Variants in S100A3 observed in about 807,000 individuals in gnomAD.
S100A3 encodes the protein S100 calcium binding protein A3.
S100A3 carries 11 observed loss-of-function variants against 8.0 expected under a neutral mutation model. The observed-to-expected ratio is 1.37, with a 90% CI of 0.86 to 2.27. The LOEUF (loss-of-function observed/expected upper bound fraction) is 2.27. S100A3 is among the 30% of genes most tolerant of loss of function. The pLI, the probability that S100A3 is intolerant of heterozygous loss-of-function variation, is 0.00. For missense variants in S100A3, 124 were observed against 127.1 expected, an observed-to-expected ratio of 0.98 and a Z score of 0.12; for synonymous variants, 43 against 49.6, an observed-to-expected ratio of 0.87 and a Z score of 0.56.
chr1:153,548,306 C>A, intron 2 of S100A3, 39 bp downstream of exon 2: 1 of 1,611,356 alleles, frequency 6.2e-7, no homozygotes, highest in Non-Finnish European at 8.5e-7. Context: ...GCAGTGCCTC[C>A]CCCCGGAGGA....
rs1042544057 is a variant in S100A3 at position 153,548,221 on chromosome 1, C to T, written c.141+124G>A. ...TCAGTTCTCCCCCTCCCACTCCCTCCTCACAATCCAGCCCCCTCCCTTGCT... is the reference window on the plus strand; with the variant it reads ...TCAGTTCTCCCCCTCCCACTCCCTCTTCACAATCCAGCCCCCTCCCTTGCT... On this transcript the variant is annotated intron_variant, in intron 2 of 2. Coordinates refer to ENST00000368713, the MANE Select transcript of S100A3 (RefSeq NM_002960.2). 2.3e-6 allele frequency: 3 copies of T among 1,299,694 alleles called. No homozygotes were observed. The South Asian group carries it at 3.9e-5, about 17-fold the overall frequency. The allele number at this position is 1,299,694 out of a possible 1,614,324, so 80.5% of individuals were successfully genotyped here. A position where few individuals can be genotyped will look rare whatever the true frequency, so the allele number is the denominator to read the frequency against.
Position 153,547,712 on chromosome 1 carries a change from G to A in S100A3, c.276C>T (p.Asp92=). The change falls in exon 3 of 3, where the codon GAC becomes GAT. Residue 92 remains aspartate, a synonymous_variant. Coordinates refer to ENST00000368713, the MANE Select transcript of S100A3 (RefSeq NM_002960.2). The surrounding 1 kb of genome is among the most constrained non-coding windows in gnomAD (Gnocchi z 4.0). ...GGGAGCAGGGGGGCTCTGAGGGGCA[G>A]TCCTTGAAGTACTCGTGGCAGTAGA... ...LCLYCHEYFK[D]CPSEPPCSQ 1 of 1,614,036 alleles carries A rather than the reference G, an allele frequency of 6.2e-7. No individual in the cohort carries two copies. Among genetic ancestry groups the A allele is most frequent in the East Asian group, 2.2e-5 (1 of 44,884 alleles).
Position 153,548,396 on chromosome 1 carries a change from GC to G in S100A3, c.89del (p.Cys30SerfsTer30), listed in dbSNP as rs1324280261. The G allele has an allele frequency of 1.2e-6, 2 of 1,613,654 alleles. No homozygotes were observed. The highest frequency in any genetic ancestry group is 4.5e-5 in the East Asian group (2 of 44,890). Reference sequence around the variant, plus strand: ...GCAGCAGCTCCTTGAGCTCCGCCTGGCAGAGCTTGTATTTGTCCCCACAGCG... The same window carrying G: ...GCAGCAGCTCCTTGAGCTCCGCCTGGAGAGCTTGTATTTGTCCCCACAGCG... ...AGRCGDKYKLCQAELKELLQK... is the reference protein window; with the variant it reads ...AGRCGDKYKLXQAELKELLQK... On this transcript the variant is annotated frameshift_variant, in exon 2 of 3. Transcript: ENST00000368713. LOFTEE classifies it high-confidence loss of function.
At position 153,549,177 on chromosome 1, in the gene S100A3, T is replaced by C. The variant is rs4595398; in HGVS notation, c.-6+4A>G. Reference sequence around the variant, plus strand: ...CCTGATCTGTAAGTTGGGGTTCATCTCACCTCGCTGGCCCAGTCAGGAACC... The same window carrying C: ...CCTGATCTGTAAGTTGGGGTTCATCCCACCTCGCTGGCCCAGTCAGGAACC... On this transcript the variant is annotated splice_donor_region_variant and intron_variant, in intron 1 of 2. Transcript: ENST00000368713. 0.14 allele frequency: 21,248 copies of C among 152,544 alleles called. 2,891 individuals carry two copies. The highest frequency in any genetic ancestry group is 0.35 in the African/African-American group (14,730 of 41,496). The allele number at this position is 152,544 out of a possible 1,614,324, so 9.4% of individuals were successfully genotyped here.
intron 2 of S100A3, among the ~76,000 whole-genome samples, chr1:153,548,096 C>T (rs868059856): frequency 4.6e-5 from 7 of 152,188 alleles, no homozygotes; most frequent in South Asian, 2.1e-4. Context: ...GTTAGGCATT[C>T]TTCATGGTGC....
chr1:153,548,365 CCTT>C lies in S100A3; in HGVS notation c.118_120del (p.Lys40del). 1 of 1,613,888 alleles carries C rather than the reference CCTT, an allele frequency of 6.2e-7. No homozygotes were observed. The highest frequency in any genetic ancestry group is 2.2e-5 in the East Asian group (1 of 44,862). On this transcript the variant is annotated inframe_deletion, in exon 2 of 3. Coordinates refer to ENST00000368713, the MANE Select transcript of S100A3 (RefSeq NM_002960.2). Reference sequence around the variant, plus strand: ...CTCACCGGGGTCCAGGTGGCCAGCTCCTTCTGCAGCAGCTCCTTGAGCTCCGCC... The same window carrying C: ...CTCACCGGGGTCCAGGTGGCCAGCTCCTGCAGCAGCTCCTTGAGCTCCGCC...
Position 153,548,593 on chromosome 1 carries a change from A to T in S100A3, c.-5-103T>A. On this transcript the variant is annotated intron_variant, in intron 1 of 2. Coordinates refer to ENST00000368713, the MANE Select transcript of S100A3 (RefSeq NM_002960.2). The stretch of plus-strand genomic sequence containing the variant: ...CAGAGACTGTTCCCAGACCCATCTT[A>T]ACCTCCATCAGGCTTCAGGCCCCGC... 5.5e-6 allele frequency: 8 copies of T among 1,451,374 alleles called. No individual in the cohort carries two copies. The South Asian group carries it at 1.1e-4, about 20-fold the overall frequency. 89.9% of individuals were successfully genotyped at this position (1,451,374 alleles called of 1,614,324 possible).
At chr1:153,548,685 T>C (rs1425000536) in intron 1 of S100A3, among the ~76,000 whole-genome samples, 195 bp from the exon 2 acceptor site, 1 of 151,990 alleles carries the variant, frequency 6.6e-6, no homozygotes, top group Non-Finnish European at 1.5e-5. Flanking sequence ...CCCCCTGCTG[T>C]CCTGTTGTTA....
chr1:153,547,944 A>G lies in S100A3; in HGVS notation c.142-98T>C. 1 of 1,317,604 alleles carries G rather than the reference A, an allele frequency of 7.6e-7. No homozygotes were observed. The highest frequency in any genetic ancestry group is 1.1e-6 in the Non-Finnish European group (1 of 940,516). The allele number at this position is 1,317,604 out of a possible 1,614,324, so 81.6% of individuals were successfully genotyped here. On this transcript the variant is annotated intron_variant, in intron 2 of 2. Transcript: ENST00000368713. The surrounding 1 kb of genome is among the most constrained non-coding windows in gnomAD (Gnocchi z 4.0). ...CCTCCTTCCTCTCCCAAGTGGACCC[A>G]CCCCACCCCAAACTACACCCTTCTG...
At chr1:153,548,540 C>T in intron 1 of S100A3, 50 bp from the exon 2 acceptor site, 2 of 1,531,744 alleles carry the variant, frequency 1.3e-6, no homozygotes, top group South Asian at 2.5e-5. Context: ...GGCCAGCCCC[C>T]CAGCTCACCT....
Position 153,547,518 on chromosome 1 carries a change from G to C in S100A3, c.*164C>G. The C allele has an allele frequency of 1.3e-6, 1 of 787,590 alleles. No individual in the cohort carries two copies. 48.8% of individuals were successfully genotyped at this position (787,590 alleles called of 1,614,324 possible). A position where few individuals can be genotyped will look rare whatever the true frequency, so the allele number is the denominator to read the frequency against. On this transcript the variant is annotated 3_prime_UTR_variant, in exon 3 of 3. Transcript: ENST00000368713. The surrounding 1 kb of genome is among the most constrained non-coding windows in gnomAD (Gnocchi z 4.0). The stretch of plus-strand genomic sequence containing the variant: ...CTACCCCTCATTCGCTGGGCATCCT[G>C]AGGAAGGAGCCCTCACATCTCTGGG...
intron 1 of S100A3, among the ~76,000 whole-genome samples, chr1:153,548,857 C>T (rs115550649): frequency 4.6e-4 from 70 of 152,344 alleles, no homozygotes; most frequent in African/African-American, 1.6e-3. Flanking sequence ...GGCTCGGTCC[C>T]AGTCTGCCCC....
Position 153,547,696 on chromosome 1 carries a change from G to C in S100A3, c.292C>G (p.Pro98Ala). The change falls in exon 3 of 3, where the codon CCC becomes GCC. Residue 98 changes from proline (P) to alanine (A), a missense_variant. Coordinates refer to ENST00000368713, the MANE Select transcript of S100A3 (RefSeq NM_002960.2). This position sits in a 1 kb window ranked among gnomAD's most constrained non-coding sequence, Gnocchi z 4.0. ...TGGAGCAGAGGCTACTGGGAGCAGG[G>C]GGGCTCTGAGGGGCAGTCCTTGAAG... The part of the protein sequence containing the change: ...EYFKDCPSEP[P>A]CSQ 1 of 1,613,886 alleles carries C rather than the reference G, an allele frequency of 6.2e-7. No individual in the cohort carries two copies. Among genetic ancestry groups the C allele is most frequent in the Non-Finnish European group, 8.5e-7 (1 of 1,179,860 alleles).
chr1:153,548,272 C>T (rs1269593670), intron 2 of S100A3, 73 bp downstream of exon 2: 38 of 1,588,772 alleles, frequency 2.4e-5, no homozygotes, highest in Non-Finnish European at 3.1e-5. Flanking sequence ...TTGTTGTCCC[C>T]AGGTCTCTCT....
At position 153,547,961 on chromosome 1, in the gene S100A3, A is replaced by G. The variant is rs1665623840; in HGVS notation, c.142-115T>C. On this transcript the variant is annotated intron_variant, in intron 2 of 2. Transcript: ENST00000368713. This position sits in a 1 kb window ranked among gnomAD's most constrained non-coding sequence, Gnocchi z 4.0. Reference sequence around the variant, plus strand: ...GTGGACCCACCCCACCCCAAACTACACCCTTCTGAGGGCCGACTTCAACCT... The same window carrying G: ...GTGGACCCACCCCACCCCAAACTACGCCCTTCTGAGGGCCGACTTCAACCT... 7.8e-6 allele frequency: 9 copies of G among 1,152,182 alleles called. No individual in the cohort carries two copies. Among genetic ancestry groups the G allele is most frequent in the Non-Finnish European group, 1.0e-5 (8 of 800,534 alleles). 71.4% of individuals were successfully genotyped at this position (1,152,182 alleles called of 1,614,324 possible).
rs1326397837 is a variant in S100A3, at chr1:153,547,441, C to A, written c.*241G>T. 2 of 511,074 alleles carry A rather than the reference C, an allele frequency of 3.9e-6. No individual in the cohort carries two copies. Among genetic ancestry groups the A allele is most frequent in the Non-Finnish European group, 7.0e-6 (2 of 286,574 alleles). The allele number at this position is 511,074 out of a possible 1,614,324, so 31.7% of individuals were successfully genotyped here. On this transcript the variant is annotated 3_prime_UTR_variant, in exon 3 of 3. Transcript: ENST00000368713. The surrounding 1 kb of genome is among the most constrained non-coding windows in gnomAD (Gnocchi z 4.0). Reference sequence around the variant, plus strand: ...CAGAGCAGATCCCGCCTCCTCCCATCCACAAGGGAGGCCACAGGGGTGCGG... The same window carrying A: ...CAGAGCAGATCCCGCCTCCTCCCATACACAAGGGAGGCCACAGGGGTGCGG...
chr1:153,547,920 CTCCT>C lies in S100A3; in HGVS notation c.142-78_142-75del. On this transcript the variant is annotated intron_variant, in intron 2 of 2. Coordinates refer to ENST00000368713, the MANE Select transcript of S100A3 (RefSeq NM_002960.2). The surrounding 1 kb of genome is among the most constrained non-coding windows in gnomAD (Gnocchi z 4.0). ...CAGAACAGCCTCACACGCCACCTCCCTCCTTCCTCTCCCAAGTGGACCCACCCCA... is the reference window on the plus strand; with the variant it reads ...CAGAACAGCCTCACACGCCACCTCCCTCCTCTCCCAAGTGGACCCACCCCA... The C allele has an allele frequency of 6.7e-7, 1 of 1,490,720 alleles. No homozygotes were observed. The highest frequency in any genetic ancestry group is 1.4e-5 in the African/African-American group (1 of 72,532). The allele number at this position is 1,490,720 out of a possible 1,614,324, so 92.3% of individuals were successfully genotyped here.
chr1:153,548,569 A>C, intron 1 of S100A3, 79 bp from the exon 2 acceptor site: 19 of 1,499,854 alleles, frequency 1.3e-5, no homozygotes, highest in Non-Finnish European at 1.5e-5. Context: ...TGTGTTTCTC[A>C]GAGACTGTTC....
rs1227407906 is a variant in S100A3 at position 153,547,791 on chromosome 1, T to A, written c.197A>T (p.Lys66Met). The A allele has an allele frequency of 1.2e-6, 2 of 1,614,044 alleles. No individual in the cohort carries two copies. The highest frequency in any genetic ancestry group is 1.7e-6 in the Non-Finnish European group (2 of 1,179,930). Residue 66 changes from lysine to methionine, a missense_variant, in exon 3 of 3, where the codon AAG becomes ATG. Transcript: ENST00000368713. This position sits in a 1 kb window ranked among gnomAD's most constrained non-coding sequence, Gnocchi z 4.0. ...NKFMSVLDTN[K>M]DCEVDFVEYV... ...CTCCACAAAGTCCACCTCGCAGTCC[T>A]TGTTGGTGTCCAGAACACTCATGAA...
Sources: allele counts gnomAD v4.1 joint callset (sites outside exome capture counted in the v4.1 genomes callset), GRCh38; gene constraint gnomAD v4.1.1; non-coding constraint Gnocchi (gnomAD v3.1); transcripts MANE v1.5; gene names NCBI Gene and HGNC (gene_info 2026-07-23, HGNC 2026-07-21).